Variants in GBP4 observed in about 807,000 individuals in gnomAD.
The protein encoded by GBP4 is guanylate binding protein 4, also known as guanylate-binding protein 4.
In GBP4, 69 loss-of-function variants were observed where a neutral mutation model predicts 62.2. That is an observed-to-expected ratio of 1.11 (90% confidence interval 0.91 to 1.36). The LOEUF (loss-of-function observed/expected upper bound fraction) is 1.36, where lower values mean the gene tolerates loss of function less well. GBP4 is among the 40% of genes most tolerant of loss of function. The pLI, the probability that GBP4 is intolerant of heterozygous loss-of-function variation, is 0.00. For missense variants in GBP4, 697 were observed against 759.3 expected (o/e 0.92, Z 0.96); for synonymous variants, 278 against 274.6 (o/e 1.01, Z -0.12).
intron 4 of GBP4, 32 bp downstream of exon 4, chr1:89,193,271 T>C (rs1648237927): frequency 6.2e-7 from 1 of 1,601,808 alleles, no homozygotes; most frequent in Non-Finnish European, 8.5e-7. Context: ...CTAAACCCCA[T>C]AAAACCTGCT....
chr1:89,187,902 A>C (rs1307199327), intron 8 of GBP4, among the ~76,000 whole-genome samples: 3 of 152,222 alleles, frequency 2.0e-5, no homozygotes, highest in Non-Finnish European at 4.4e-5. Flanking sequence ...AGAAATTGGT[A>C]CAGTCCTCAT....
Position 89,195,375 on chromosome 1 carries a change from C to T in GBP4, c.285G>A (p.Met95Ile). 1.2e-6 allele frequency: 2 copies of T among 1,614,034 alleles called. No homozygotes were observed. Among genetic ancestry groups the T allele is most frequent in the South Asian group, 1.1e-5 (1 of 91,078 alleles). ...TVQSETKGIW[M>I]WCVPHLSKPN... ...GCTTAGAGAGGTGGGGCACACACCA[C>T]ATCCAGATGCCCTTAGTTTCAGACT... The change falls in exon 3 of 11, where the codon ATG becomes ATA. Residue 95 changes from methionine to isoleucine, a missense_variant. Met to Ile is a conservative substitution (Grantham distance 10). Coordinates refer to ENST00000355754, the MANE Select transcript of GBP4 (RefSeq NM_052941.5).
At chr1:89,190,520 T>C (rs1472175112) in intron 6 of GBP4, among the ~76,000 whole-genome samples, 1 of 152,140 alleles carries the variant, frequency 6.6e-6, no homozygotes, top group Non-Finnish European at 1.5e-5. Context: ...CTATTCACTC[T>C]TTTTTATGGC....
intron 1 of GBP4, chr1:89,198,583 C>T: frequency 1.7e-6 from 1 of 575,174 alleles, no homozygotes; most frequent in East Asian, 2.9e-5. Context: ...TGGTCGCCGC[C>T]TGTGGACCGT....
At chr1:89,190,720 A>T (rs1648160181) in intron 6 of GBP4, among the ~76,000 whole-genome samples, 1 of 151,960 alleles carries the variant, frequency 6.6e-6, no homozygotes, top group Admixed American at 6.6e-5. Flanking sequence ...TTTACAAGGG[A>T]ACTTGCATTT....
In GBP4 at chr1:89,182,905, A is replaced by T. The variant is rs1192584368; in HGVS notation, c.*2349T>A. On this transcript the variant is annotated 3_prime_UTR_variant, in exon 11 of 11. Coordinates refer to ENST00000355754, the MANE Select transcript of GBP4 (RefSeq NM_052941.5). ...TGAGTATCAAACAATATAAAACAAT[A>T]TAAGAAGGTCTCTCTCTTCCCTCAA... 6.6e-6 allele frequency: 1 copy of T among 152,208 alleles called. No individual in the cohort carries two copies. The highest frequency in any genetic ancestry group is 1.5e-5 in the Non-Finnish European group (1 of 68,036). 9.4% of individuals were successfully genotyped at this position (152,208 alleles called of 1,614,324 possible).
In GBP4 at chr1:89,182,359, C is replaced by T. The variant is rs762585449; in HGVS notation, c.*2895G>A. ...GATTGATTTGAGCAAACAGGCGGTACATGACAGGGGCTGCATGCACTGGTG... is the reference window on the plus strand; with the variant it reads ...GATTGATTTGAGCAAACAGGCGGTATATGACAGGGGCTGCATGCACTGGTG... On this transcript the variant is annotated 3_prime_UTR_variant, in exon 11 of 11. Transcript: ENST00000355754. The T allele has an allele frequency of 6.6e-6, 1 of 152,190 alleles. No homozygotes were observed. The highest frequency in any genetic ancestry group is 2.4e-5 in the African/African-American group (1 of 41,428). The allele number at this position is 152,190 out of a possible 1,614,324, so 9.4% of individuals were successfully genotyped here. A position where few individuals can be genotyped will look rare whatever the true frequency, so the allele number is the denominator to read the frequency against.
Position 89,182,980 on chromosome 1 carries a change from TGTTGA to T in GBP4, c.*2269_*2273del, listed in dbSNP as rs1171173467. 1 of 152,220 alleles carries T rather than the reference TGTTGA, an allele frequency of 6.6e-6. No individual in the cohort carries two copies. The highest frequency in any genetic ancestry group is 1.5e-5 in the Non-Finnish European group (1 of 68,040). 9.4% of individuals were successfully genotyped at this position (152,220 alleles called of 1,614,324 possible). On this transcript the variant is annotated 3_prime_UTR_variant, in exon 11 of 11. Transcript: ENST00000355754. Reference sequence around the variant, plus strand: ...AGACAGCAGAAATAAATTCCTAAAATGTTGAGTTGAGCAAATAGTTCAATGCTATC... The same window carrying T: ...AGACAGCAGAAATAAATTCCTAAAATGTTGAGCAAATAGTTCAATGCTATC...
In GBP4 at chr1:89,187,050, G is replaced by A. The variant is rs1648055039; in HGVS notation, c.1463C>T (p.Ser488Phe). 1 of 1,614,144 alleles carries A rather than the reference G, an allele frequency of 6.2e-7. No homozygotes were observed. The highest frequency in any genetic ancestry group is 8.5e-7 in the Non-Finnish European group (1 of 1,180,014). The stretch of plus-strand genomic sequence containing the variant: ...GAGGGCTTTGTCTGACTGCAGGATG[G>A]ATTCCTCTACAACCACCTGTGACTG... ...FLQSQVVVEE[S>F]ILQSDKALTA... is the part of the protein sequence containing the mutation. The change falls in exon 9 of 11, where the codon TCC becomes TTC. Residue 488 changes from serine (S) to phenylalanine (F), a missense_variant. Physicochemically the swap from Ser to Phe is radical, Grantham distance 155 (BLOSUM62 -2). This residue lies in a region of GBP4 where 141 missense variants were observed against 196.6 expected (regional missense o/e 0.72). Transcript: ENST00000355754.
At chr1:89,196,904 G>C (rs1300252865) in intron 2 of GBP4, among the ~76,000 whole-genome samples, 3 of 152,196 alleles carry the variant, frequency 2.0e-5, no homozygotes, top group Non-Finnish European at 2.9e-5. Context: ...CCCATGGAAC[G>C]GATCTTTCGA....
rs749268317 is a variant in GBP4 at position 89,197,119 on chromosome 1, T to C, written c.226A>G (p.Lys76Glu). The C allele has an allele frequency of 6.2e-7, 1 of 1,612,246 alleles. No individual in the cohort carries two copies. Among genetic ancestry groups the C allele is most frequent in the Non-Finnish European group, 8.5e-7 (1 of 1,178,780 alleles). The change falls in exon 2 of 11, where the codon AAG becomes GAG. Residue 76 changes from lysine (K) to glutamate (E), a missense_variant. Lys to Glu is a moderately conservative substitution (Grantham distance 56). Transcript: ENST00000355754. ...KSYLMNRLAG[K>E]RNGFPLGSTV... is the part of the protein sequence containing the mutation. ...CTAGGACCACACTCACCATTGCGCTTTCCTGCAAGACGATTCATGAGATAG... is the reference window on the plus strand; with the variant it reads ...CTAGGACCACACTCACCATTGCGCTCTCCTGCAAGACGATTCATGAGATAG...
In GBP4 at chr1:89,184,647, AAG is replaced by A. The variant is rs1343066165; in HGVS notation, c.*605_*606del. The A allele has an allele frequency of 5.9e-5, 9 of 152,198 alleles. No individual in the cohort carries two copies. Among genetic ancestry groups the A allele is most frequent in the Admixed American group, 2.6e-4 (4 of 15,278 alleles). 9.4% of individuals were successfully genotyped at this position (152,198 alleles called of 1,614,324 possible). A position where few individuals can be genotyped will look rare whatever the true frequency, so the allele number is the denominator to read the frequency against. On this transcript the variant is annotated 3_prime_UTR_variant, in exon 11 of 11. Transcript: ENST00000355754. The stretch of plus-strand genomic sequence containing the variant: ...CTCACTTATAAATGGGGGCCAAACA[AAG>A]AGAACACATGGATACTCAGAGGAGA...
chr1:89,186,926 C>G, intron 9 of GBP4, 74 bp downstream of exon 9: 1 of 1,349,096 alleles, frequency 7.4e-7, no homozygotes, highest in Non-Finnish European at 1.1e-6. Context: ...ACTGGAATAT[C>G]TTTCAGTGTG....
intron 3 of GBP4, among the ~76,000 whole-genome samples, chr1:89,194,802 C>T (rs1432673392): frequency 2.0e-5 from 3 of 152,150 alleles, no homozygotes; most frequent in African/African-American, 7.2e-5. Context: ...TAGATTCCTT[C>T]ACTAAAACCC....
rs1557474196 is a variant in GBP4 at position 89,190,033 on chromosome 1, A to T, written c.1197+5T>A. 8.1e-6 allele frequency: 13 copies of T among 1,602,552 alleles called. No individual in the cohort carries two copies. The highest frequency in any genetic ancestry group is 2.7e-5 in the African/African-American group (2 of 74,602). ...GAAATCAGGAAGGATAAATGCTAAA[A>T]GTACCACAAGCTTCTTCTGGAATTC... On this transcript the variant is annotated splice_donor_5th_base_variant and intron_variant, in intron 7 of 10. Transcript: ENST00000355754.
At position 89,191,298 on chromosome 1, in the gene GBP4, G is replaced by A. The variant is rs149245922; in HGVS notation, c.879C>T (p.Thr293=). Reference sequence around the variant, plus strand: ...CAATGATTCCCTCTCTCAGGGTCTTGGTCTTTGCATGGGTGAAGATATAAG... The same window carrying A: ...CAATGATTCCCTCTCTCAGGGTCTTAGTCTTTGCATGGGTGAAGATATAAG... ...FCSYIFTHAK[T]KTLREGIIVT... is the part of the protein sequence containing the mutation. Residue 293 remains threonine (T), a synonymous_variant, in exon 6 of 11, where the codon ACC becomes ACT. Coordinates refer to ENST00000355754, the MANE Select transcript of GBP4 (RefSeq NM_052941.5). 319 of 1,614,134 alleles carry A rather than the reference G, an allele frequency of 2.0e-4. 1 individual carries two copies. In the African/African-American group the frequency reaches 3.7e-3, roughly 19 times the overall value.
chr1:89,188,730 C>A lies in GBP4; in HGVS notation c.1262G>T (p.Cys421Phe). 2 of 1,614,220 alleles carry A rather than the reference C, an allele frequency of 1.2e-6. No individual in the cohort carries two copies. The highest frequency in any genetic ancestry group is 1.7e-6 in the Non-Finnish European group (2 of 1,180,038). ...LQNEEASAKYCQAELKRLSEH... is the reference protein window; with the variant it reads ...LQNEEASAKYFQAELKRLSEH... ...TGAAAGCCGCTTAAGCTCAGCCTGG[C>A]AATATTTGGCAGATGCCTCTTCATT... Residue 421 changes from cysteine (C) to phenylalanine (F), a missense_variant, in exon 8 of 11, where the codon TGC (cysteine) becomes TTC (phenylalanine). Cys to Phe is a radical substitution (Grantham distance 205). This residue lies in a region of GBP4 where 556 missense variants were observed against 562.7 expected (regional missense o/e 0.99). Transcript: ENST00000355754.
chr1:89,198,048 C>G (rs1442883777), intron 1 of GBP4, among the ~76,000 whole-genome samples: 2 of 151,858 alleles, frequency 1.3e-5, no homozygotes, highest in Non-Finnish European at 2.9e-5. Context: ...TTAAAACAAT[C>G]CTACAGAAGT....
Position 89,188,727 on chromosome 1 carries a change from T to A in GBP4, c.1265A>T (p.Gln422Leu). The change falls in exon 8 of 11, where the codon CAG becomes CTG. Residue 422 changes from glutamine (Q) to leucine (L), a missense_variant. This residue lies in a region of GBP4 where 556 missense variants were observed against 562.7 expected (regional missense o/e 0.99). Transcript: ENST00000355754. ...CTCTGAAAGCCGCTTAAGCTCAGCC[T>A]GGCAATATTTGGCAGATGCCTCTTC... ...QNEEASAKYC[Q>L]AELKRLSEHL... 1 of 1,614,268 alleles carries A rather than the reference T, an allele frequency of 6.2e-7. No individual in the cohort carries two copies. Among genetic ancestry groups the A allele is most frequent in the Non-Finnish European group, 8.5e-7 (1 of 1,180,046 alleles).
Sources: allele counts gnomAD v4.1 joint callset (sites outside exome capture counted in the v4.1 genomes callset), GRCh38; gene constraint gnomAD v4.1.1; regional missense constraint gnomAD v4.1.1; transcripts MANE v1.5; gene names NCBI Gene and HGNC (gene_info 2026-07-23, HGNC 2026-07-21).